GEMIN2: variants seen among roughly 807,000 people sequenced by gnomAD.
GEMIN2 encodes the protein gem-associated protein 2.
GEMIN2 carries 37 observed loss-of-function variants against 45.8 expected under a neutral mutation model. The ratio of observed to expected loss-of-function variants is 0.81; its 90% CI spans 0.62 to 1.06. The LOEUF (loss-of-function observed/expected upper bound fraction) is 1.06. GEMIN2 is among the 50% of genes least tolerant of loss of function. The probability of loss-of-function intolerance (pLI) is 0.00; values close to 1 mark genes in which losing one functional copy is unlikely to be tolerated. For missense variants in GEMIN2, 335 were observed against 321.8 expected (o/e 1.04, Z -0.31); for synonymous variants, 101 against 111.5 (o/e 0.91, Z 0.60).
chr14:39,131,767 G>A (rs1023068142), intron 7 of GEMIN2, 191 bp from the exon 8 acceptor site: 4 of 467,138 alleles, frequency 8.6e-6, no homozygotes, highest in Non-Finnish European at 1.5e-5. Flanking sequence ...TCCTGTGTCT[G>A]TAATTATAGG....
At chr14:39,114,497 G>C in intron 1 of GEMIN2, 22 bp downstream of exon 1, 3 of 1,590,608 alleles carry the variant, frequency 1.9e-6, no homozygotes, top group Non-Finnish European at 2.6e-6. Context: ...GGCCCTGGGC[G>C]GGTGGGCTGG....
At chr14:39,134,463 T>C (rs1251648575) in intron 9 of GEMIN2, 1 of 152,186 alleles carries the variant, frequency 6.6e-6, no homozygotes, top group East Asian at 1.9e-4. Context: ...TTAGGTCTCC[T>C]CCTGGACATA....
At chr14:39,128,485 CTTTTTTTTTTTTTTT>C in intron 7 of GEMIN2, 137 bp downstream of exon 7, 1 of 147,182 alleles carries the variant, frequency 6.8e-6, no homozygotes, top group Admixed American at 1.7e-4. Flanking sequence ...TTTTTCTTTT[CTTTTTTTTTTTTTTT>C]TTTTTTTTGA....
chr14:39,136,962 T>C lies in GEMIN2; in HGVS notation c.*483T>C, dbSNP rs1257964849. Reference sequence around the variant, plus strand: ...CATAGTCAGCAATAAAATTAAACATTTTTCCCTTTAAGCTCAGCACTTTTT... The same window carrying C: ...CATAGTCAGCAATAAAATTAAACATCTTTCCCTTTAAGCTCAGCACTTTTT... On this transcript the variant is annotated 3_prime_UTR_variant, in exon 10 of 10. Transcript: ENST00000308317. 1.3e-5 allele frequency: 2 copies of C among 151,382 alleles called. No individual in the cohort carries two copies. The highest frequency in any genetic ancestry group is 3.9e-4 in the East Asian group (2 of 5,158). The allele number at this position is 151,382 out of a possible 1,614,324, so 9.4% of individuals were successfully genotyped here. A position where few individuals can be genotyped will look rare whatever the true frequency, so the allele number is the denominator to read the frequency against.
intron 5 of GEMIN2, among the ~76,000 whole-genome samples, chr14:39,123,828 C>T (rs147093734): frequency 0.015 from 2,202 of 147,212 alleles, 56 homozygotes; most frequent in African/African-American, 0.052. Flanking sequence ...TCAAGCAATC[C>T]TCCCACGTCA....
In GEMIN2 at chr14:39,128,336, TA is replaced by T. The variant is rs745557750; in HGVS notation, c.589del (p.Thr197LeufsTer26). 2 of 1,560,890 alleles carry T rather than the reference TA, an allele frequency of 1.3e-6. No homozygotes were observed. Among genetic ancestry groups the T allele is most frequent in the Non-Finnish European group, 1.8e-6 (2 of 1,137,838 alleles). ...LSNWFGERDF[T>X]PELGRWLYAL... The stretch of plus-strand genomic sequence containing the variant: ...GTAATTGGTTTGGAGAAAGAGACTT[TA>T]CTCCAGAATTGGTAGTATTGCATGT... On this transcript the variant is annotated frameshift_variant, in exon 7 of 10. Transcript: ENST00000308317. LOFTEE classifies it high-confidence loss of function.
chr14:39,128,633 G>A (rs989347800), intron 7 of GEMIN2, among the ~76,000 whole-genome samples: 8 of 151,270 alleles, frequency 5.3e-5, no homozygotes, highest in East Asian at 1.9e-4. Context: ...TGGGACTACA[G>A]GCGCATGCAG....
Position 39,132,081 on chromosome 14 carries a change from T to G in GEMIN2, c.711+13T>G. ...GAGGCTCTTAGTGGTAAGTTGCAACTTACTGTTTAAAATTAAAAGCACCCA... is the reference window on the plus strand; with the variant it reads ...GAGGCTCTTAGTGGTAAGTTGCAACGTACTGTTTAAAATTAAAAGCACCCA... On this transcript the variant is annotated intron_variant, in intron 8 of 9. Transcript: ENST00000308317. 1.6e-6 allele frequency: 2 copies of G among 1,254,460 alleles called. No individual in the cohort carries two copies. The highest frequency in any genetic ancestry group is 2.3e-6 in the Non-Finnish European group (2 of 857,186). The allele number at this position is 1,254,460 out of a possible 1,614,324, so 77.7% of individuals were successfully genotyped here. A position where few individuals can be genotyped will look rare whatever the true frequency, so the allele number is the denominator to read the frequency against.
chr14:39,125,110 T>C (rs1324109473), intron 6 of GEMIN2, 74 bp downstream of exon 6: 5 of 768,278 alleles, frequency 6.5e-6, no homozygotes, highest in African/African-American at 5.2e-5. Context: ...TGTTAATACA[T>C]ATACTGAATT....
intron 7 of GEMIN2, among the ~76,000 whole-genome samples, chr14:39,131,187 C>T (rs183192011): frequency 2.7e-3 from 408 of 151,946 alleles, no homozygotes; most frequent in African/African-American, 7.0e-3. Context: ...ATTCCAGGTA[C>T]TCAGGATGCT....
intron 6 of GEMIN2, among the ~76,000 whole-genome samples, chr14:39,125,983 G>A (rs2052635421): frequency 6.6e-6 from 1 of 150,922 alleles, no homozygotes; most frequent in Non-Finnish European, 1.5e-5. Context: ...TCGTGCCATT[G>A]CACTCCAGCC....
chr14:39,125,934 C>T (rs895971235), intron 6 of GEMIN2, among the ~76,000 whole-genome samples: 2 of 151,404 alleles, frequency 1.3e-5, no homozygotes, highest in Admixed American at 1.3e-4. Flanking sequence ...GCAGGAGAAT[C>T]GCTTGAACCT....
chr14:39,116,155 C>T (rs1222632681), intron 2 of GEMIN2, among the ~76,000 whole-genome samples: 1 of 151,756 alleles, frequency 6.6e-6, no homozygotes, highest in Non-Finnish European at 1.5e-5. Flanking sequence ...CTTGCCTCAG[C>T]CCCCTGAGTA....
At chr14:39,125,951 C>T (rs1023188285) in intron 6 of GEMIN2, among the ~76,000 whole-genome samples, 2 of 150,038 alleles carry the variant, frequency 1.3e-5, no homozygotes, top group African/African-American at 4.9e-5. Flanking sequence ...ACCTGGGAGG[C>T]AGAGGTTGCA....
chr14:39,117,270 CAAA>C (rs34024177), intron 2 of GEMIN2, among the ~76,000 whole-genome samples: 4 of 133,480 alleles, frequency 3.0e-5, no homozygotes, highest in Admixed American at 7.6e-5. Flanking sequence ...AACTCCGTCT[CAAA>C]AAAAAAAAAA....
At chr14:39,116,782 G>C (rs112374130) in intron 2 of GEMIN2, among the ~76,000 whole-genome samples, 1 of 151,846 alleles carries the variant, frequency 6.6e-6, no homozygotes, top group African/African-American at 2.4e-5. Flanking sequence ...ACAGGGTCTC[G>C]CTTTGTTGCA....
chr14:39,123,160 C>G (rs2052595026), intron 5 of GEMIN2, among the ~76,000 whole-genome samples: 1 of 152,132 alleles, frequency 6.6e-6, no homozygotes, highest in African/African-American at 2.4e-5. Flanking sequence ...GATTTACCTG[C>G]CCCCAAGTTT....
chr14:39,134,086 C>G (rs1185553396), intron 9 of GEMIN2: 1 of 157,180 alleles, frequency 6.4e-6, no homozygotes, highest in Non-Finnish European at 1.4e-5. Context: ...TGTAAAGCCA[C>G]TGCATTCAGC....
At chr14:39,135,604 G>GA (rs928233078) in intron 9 of GEMIN2, among the ~76,000 whole-genome samples, 26 of 145,040 alleles carry the variant, frequency 1.8e-4, no homozygotes, top group African/African-American at 3.5e-4. Flanking sequence ...AAAGAAAAAA[G>GA]AAAAAAAAAA....
Sources: gnomAD v4.1 joint callset for allele counts (sites outside exome capture counted in the v4.1 genomes callset) on GRCh38, gnomAD v4.1.1 for gene constraint, MANE v1.5 for transcripts, NCBI Gene and HGNC (gene_info 2026-07-23, HGNC 2026-07-21) for gene names.